The following MTUS2 variants were observed in gnomAD, a reference collection of about 807,000 sequenced individuals.
MTUS2 encodes microtubule associated scaffold protein 2, also known as microtubule-associated tumor suppressor candidate 2.
In MTUS2, 40 loss-of-function variants were observed where a neutral mutation model predicts 114.1. That is an observed-to-expected ratio of 0.35 (90% CI 0.27 to 0.46). MTUS2 has a LOEUF of 0.46. Ranked by LOEUF, MTUS2 falls within the 20% of genes least tolerant of loss-of-function variation. MTUS2 has a pLI of 1.00. For missense variants in MTUS2, 1,679 were observed against 1,705.4 expected (o/e 0.98, Z 0.27); for synonymous variants, 688 against 672.0 (o/e 1.02, Z -0.37).
At chr13:28,910,086 G>A (rs1469241415) in intron 2 of MTUS2, among the ~76,000 whole-genome samples, 2 of 151,938 alleles carry the variant, frequency 1.3e-5, no homozygotes, top group Non-Finnish European at 1.5e-5. Flanking sequence ...ATTACTGACT[G>A]TAGTCTGTCT....
At chr13:28,952,936 C>T (rs1027302576) in intron 2 of MTUS2, among the ~76,000 whole-genome samples, 1 of 152,216 alleles carries the variant, frequency 6.6e-6, no homozygotes, top group African/African-American at 2.4e-5. Flanking sequence ...AAAAGTGTTA[C>T]AGTGGGATCT....
chr13:28,976,269 TC>T (rs1884102495), intron 2 of MTUS2, among the ~76,000 whole-genome samples: 1 of 151,148 alleles, frequency 6.6e-6, no homozygotes, highest in Non-Finnish European at 1.5e-5. Flanking sequence ...GGGAGGGTGT[TC>T]CAGGAAGAAG....
chr13:29,247,914 A>G (rs926400830), intron 5 of MTUS2, among the ~76,000 whole-genome samples: 1 of 152,182 alleles, frequency 6.6e-6, no homozygotes, highest in African/African-American at 2.4e-5. Context: ...TACCTACAGG[A>G]AAAGAAGTCG....
chr13:29,153,623 A>G (rs528669870), intron 5 of MTUS2, among the ~76,000 whole-genome samples: 63 of 152,192 alleles, frequency 4.1e-4, no homozygotes, highest in African/African-American at 1.4e-3. Flanking sequence ...TGTATCCACC[A>G]TGCTATGGGC....
chr13:29,231,998 A>G (rs574555971), intron 5 of MTUS2, among the ~76,000 whole-genome samples: 1 of 152,318 alleles, frequency 6.6e-6, no homozygotes, highest in Admixed American at 6.5e-5. Flanking sequence ...CAAATAAAAG[A>G]GAAATAAAAG....
At chr13:29,063,634 A>G (rs985967087) in intron 4 of MTUS2, among the ~76,000 whole-genome samples, 4 of 152,200 alleles carry the variant, frequency 2.6e-5, no homozygotes, top group African/African-American at 9.7e-5. Context: ...ATACCAAGTT[A>G]TAACATGAAG....
chr13:29,035,615 T>C (rs941299225), intron 4 of MTUS2, among the ~76,000 whole-genome samples: 3 of 152,218 alleles, frequency 2.0e-5, no homozygotes, highest in African/African-American at 4.8e-5. Flanking sequence ...AACCTTTCCA[T>C]TTTTCTTCAT....
At chr13:29,258,473 C>T (rs1262495015) in intron 5 of MTUS2, among the ~76,000 whole-genome samples, 1 of 152,192 alleles carries the variant, frequency 6.6e-6, no homozygotes, top group Admixed American at 6.5e-5. Flanking sequence ...TAACCTAATC[C>T]CACGAGTCAA....
intron 2 of MTUS2, among the ~76,000 whole-genome samples, chr13:28,979,725 C>G (rs1443879991): frequency 1.3e-5 from 2 of 152,122 alleles, no homozygotes; most frequent in Non-Finnish European, 2.9e-5. Flanking sequence ...GTAAGAGGCT[C>G]TGATGAGAGT....
chr13:28,996,819 A>G (rs1392864797), intron 2 of MTUS2, among the ~76,000 whole-genome samples: 2 of 152,040 alleles, frequency 1.3e-5, no homozygotes. Context: ...CTAGCGGTCT[A>G]TCAATTTTGT....
chr13:29,005,553 T>C (rs577458241), intron 2 of MTUS2, among the ~76,000 whole-genome samples: 1 of 152,204 alleles, frequency 6.6e-6, no homozygotes, highest in African/African-American at 2.4e-5. Flanking sequence ...AGGAAGCATA[T>C]ACAGAAATAA....
intron 6 of MTUS2, among the ~76,000 whole-genome samples, chr13:29,302,307 C>T (rs1006506047): frequency 3.3e-5 from 5 of 152,182 alleles, no homozygotes; most frequent in Non-Finnish European, 2.9e-5. Context: ...GATTGTGCAA[C>T]CCCACCTGGA....
chr13:29,257,642 T>C (rs1248056248), intron 5 of MTUS2, among the ~76,000 whole-genome samples: 2 of 152,118 alleles, frequency 1.3e-5, no homozygotes, highest in Non-Finnish European at 2.9e-5. Context: ...CTGGAAATAA[T>C]TTATATCTTA....
intron 2 of MTUS2, among the ~76,000 whole-genome samples, chr13:28,996,730 G>T (rs760508130): frequency 1.2e-4 from 18 of 152,266 alleles, no homozygotes; most frequent in South Asian, 4.1e-4. Context: ...TATTTATGTG[G>T]TATTGGTGAT....
At chr13:28,892,152 A>C (rs1184183880) in intron 2 of MTUS2, among the ~76,000 whole-genome samples, 1 of 151,820 alleles carries the variant, frequency 6.6e-6, no homozygotes, top group Admixed American at 6.6e-5. Flanking sequence ...ATATTCCTGG[A>C]CTCCTTGAGG....
chr13:29,415,488 T>C (rs1875600091), intron 8 of MTUS2, among the ~76,000 whole-genome samples: 1 of 152,258 alleles, frequency 6.6e-6, no homozygotes, highest in Admixed American at 6.5e-5. Context: ...TTTTTAGTCT[T>C]GAATCCTTAT....
At chr13:29,375,960 C>G (rs1196878093) in intron 8 of MTUS2, among the ~76,000 whole-genome samples, 4 of 151,402 alleles carry the variant, frequency 2.6e-5, no homozygotes, top group African/African-American at 9.7e-5. Flanking sequence ...ATTCATGTAA[C>G]CAGAAACCAC....
At chr13:28,881,594 A>G (rs1214661236) in intron 2 of MTUS2, among the ~76,000 whole-genome samples, 1 of 152,236 alleles carries the variant, frequency 6.6e-6, no homozygotes, top group Non-Finnish European at 1.5e-5. Context: ...ATTCCTGCCA[A>G]CAGTGTATGA....
At chr13:29,154,134 G>A (rs994849172) in intron 5 of MTUS2, among the ~76,000 whole-genome samples, 9 of 152,138 alleles carry the variant, frequency 5.9e-5, no homozygotes, top group African/African-American at 2.2e-4. Context: ...TAGCCAACTA[G>A]CAAAATTAGA....
Sources: allele counts gnomAD v4.1 joint callset (sites outside exome capture counted in the v4.1 genomes callset), GRCh38; gene constraint gnomAD v4.1.1; transcripts MANE v1.5; gene names NCBI Gene and HGNC (gene_info 2026-07-23, HGNC 2026-07-21).